The following SLC25A26 variants were observed in gnomAD, a reference collection of about 807,000 sequenced individuals.
The protein encoded by SLC25A26 is solute carrier family 25 member 26.
A neutral mutation model predicts 37.8 loss-of-function variants in SLC25A26; 36 were observed. The ratio of observed to expected loss-of-function variants is 0.95; its 90% confidence interval spans 0.73 to 1.26. SLC25A26 has a LOEUF of 1.26. Ranked by LOEUF, SLC25A26 falls within the 50% of genes most tolerant of loss-of-function variation. The pLI is 0.00. For synonymous variants in SLC25A26, 129 were observed against 122.5 expected (o/e 1.05, Z -0.35); for missense variants, 390 against 331.1 (o/e 1.18, Z -1.38).
upstream of SLC25A26, among the ~76,000 whole-genome samples, chr3:66,219,636 G>C (rs952610066): frequency 6.6e-6 from 1 of 152,204 alleles, no homozygotes; most frequent in Non-Finnish European, 1.5e-5. Flanking sequence ...TAGTCTGTCT[G>C]TGTGTAGTCC....
At chr3:66,261,684 C>G (rs2107280061) in intron 3 of SLC25A26, 1 of 179,372 alleles carries the variant, frequency 5.6e-6, no homozygotes, top group East Asian at 1.8e-4. Flanking sequence ...AGAGGTTCCT[C>G]TGGTTCATTT....
chr3:66,321,103 AC>A (rs1553694509), intron 5 of SLC25A26, among the ~76,000 whole-genome samples: 4 of 151,978 alleles, frequency 2.6e-5, no homozygotes, highest in Non-Finnish European at 5.9e-5. Flanking sequence ...CATGCCAGAG[AC>A]CCCCACCTCT....
intron 5 of SLC25A26, among the ~76,000 whole-genome samples, chr3:66,311,981 T>C (rs2075391882): frequency 6.6e-6 from 1 of 152,160 alleles, no homozygotes; most frequent in South Asian, 2.1e-4. Context: ...AGGGACCCAC[T>C]TGAGGAGGCA....
At chr3:66,312,617 G>C (rs959337480) in intron 5 of SLC25A26, among the ~76,000 whole-genome samples, 3 of 151,944 alleles carry the variant, frequency 2.0e-5, no homozygotes, top group Non-Finnish European at 4.4e-5. Context: ...TGAAACCCAA[G>C]ACCCTGGTGG....
chr3:66,371,149 C>G (rs1470305470), intron 9 of SLC25A26: 6 of 1,427,978 alleles, frequency 4.2e-6, no homozygotes, highest in Non-Finnish European at 5.5e-6. Flanking sequence ...ACTTGTGAAG[C>G]CGCCTGAATG....
chr3:66,348,556 C>T (rs1014143582), intron 6 of SLC25A26, among the ~76,000 whole-genome samples: 21 of 151,916 alleles, frequency 1.4e-4, no homozygotes, highest in Admixed American at 5.9e-4. Context: ...TATAGATTGA[C>T]TAGTCATGGA....
intron 5 of SLC25A26, among the ~76,000 whole-genome samples, chr3:66,338,348 G>C (rs1000923489): frequency 6.6e-6 from 1 of 151,972 alleles, no homozygotes; most frequent in African/African-American, 2.4e-5. Flanking sequence ...ATACCTAGGA[G>C]TAAAATTTCT....
At chr3:66,302,016 A>G (rs1413793427) in intron 5 of SLC25A26, among the ~76,000 whole-genome samples, 1 of 152,162 alleles carries the variant, frequency 6.6e-6, no homozygotes, top group Non-Finnish European at 1.5e-5. Context: ...TCCTATATAA[A>G]TGTTATAATT....
At chr3:66,325,151 C>T (rs1361379100) in intron 5 of SLC25A26, among the ~76,000 whole-genome samples, 1 of 152,126 alleles carries the variant, frequency 6.6e-6, no homozygotes, top group African/African-American at 2.4e-5. Context: ...AAGCATTTCC[C>T]TCAGAAGCCT....
At chr3:66,176,632 C>G (rs940764316) in intron 1 of SLC25A26, among the ~76,000 whole-genome samples, 1 of 152,130 alleles carries the variant, frequency 6.6e-6, no homozygotes, top group African/African-American at 2.4e-5. Flanking sequence ...TAGAGTTTAG[C>G]AAGTCTCAGA....
At chr3:66,351,207 T>C (rs2076445217) in intron 6 of SLC25A26, among the ~76,000 whole-genome samples, 1 of 152,168 alleles carries the variant, frequency 6.6e-6, no homozygotes, top group East Asian at 1.9e-4. Context: ...TTAAATGTAA[T>C]GTGTCTCTTA....
intron 5 of SLC25A26, among the ~76,000 whole-genome samples, chr3:66,287,251 A>T (rs1030862129): frequency 1.3e-5 from 2 of 151,100 alleles, no homozygotes; most frequent in Non-Finnish European, 2.9e-5. Flanking sequence ...AGCCCAGATC[A>T]CGCCATTGCA....
chr3:66,274,787 T>C (rs1247757080), intron 5 of SLC25A26, among the ~76,000 whole-genome samples: 1 of 152,056 alleles, frequency 6.6e-6, no homozygotes, highest in African/African-American at 2.4e-5. Flanking sequence ...ATAGGAACAC[T>C]TTTACACTGT....
chr3:66,134,254 T>G (rs1274637227), intron 1 of SLC25A26, among the ~76,000 whole-genome samples: 3 of 152,254 alleles, frequency 2.0e-5, no homozygotes, highest in Non-Finnish European at 4.4e-5. Flanking sequence ...CTGCCCTTAT[T>G]TTGTAATGTT....
At chr3:66,175,107 GTGTATATATATATATA>G (rs1460682253) in intron 1 of SLC25A26, among the ~76,000 whole-genome samples, 5 of 80,544 alleles carry the variant, frequency 6.2e-5, no homozygotes, top group African/African-American at 1.4e-4. Context: ...ATATGTGTGT[GTGTATATATATATATA>G]TATATATATA....
intron 1 of SLC25A26, among the ~76,000 whole-genome samples, chr3:66,209,505 A>G (rs1318440461): frequency 7.0e-6 from 1 of 142,174 alleles, no homozygotes; most frequent in African/African-American, 2.5e-5. Flanking sequence ...ATGGGTATAT[A>G]GTTATATATT....
intron 1 of SLC25A26, among the ~76,000 whole-genome samples, chr3:66,145,256 G>A (rs1279437443): frequency 2.0e-5 from 3 of 152,278 alleles, no homozygotes; most frequent in Non-Finnish European, 2.9e-5. Flanking sequence ...GAGTCTGAAC[G>A]GCTCATAAGG....
At chr3:66,153,684 C>T (rs1461243879) in intron 1 of SLC25A26, among the ~76,000 whole-genome samples, 1 of 152,210 alleles carries the variant, frequency 6.6e-6, no homozygotes, top group Non-Finnish European at 1.5e-5. Flanking sequence ...TGCAAGTCTC[C>T]TGGTGGAATT....
chr3:66,179,116 C>T (rs2070645360), intron 1 of SLC25A26, among the ~76,000 whole-genome samples: 2 of 152,158 alleles, frequency 1.3e-5, no homozygotes, highest in Non-Finnish European at 2.9e-5. Context: ...GATACAAGAA[C>T]ATTTGTCATA....
Sources: gnomAD v4.1 joint callset for allele counts (sites outside exome capture counted in the v4.1 genomes callset) on GRCh38, gnomAD v4.1.1 for gene constraint, MANE v1.5 for transcripts, NCBI Gene and HGNC (gene_info 2026-07-23, HGNC 2026-07-21) for gene names.